LINC00632: variants seen among roughly 807,000 people sequenced by gnomAD.
LINC00632 encodes ALDOA related specific transcript.
chrX:140,727,517 T>C (rs1930983220), intron 2 of LINC00632, among the ~76,000 whole-genome samples: 1 of 111,426 alleles, frequency 9.0e-6, no homozygotes, highest in Admixed American at 9.5e-5. Flanking sequence ...GGTCTGGAAC[T>C]CCTGACCTCA....
chrX:140,730,444 TACCTC>T (rs1454263962), intron 2 of LINC00632, among the ~76,000 whole-genome samples: 1 of 110,696 alleles, frequency 9.0e-6, no homozygotes, highest in Non-Finnish European at 1.9e-5. Flanking sequence ...CACTGAGACT[TACCTC>T]ACCTCACCAG....
exon 4 of LINC00632, chrX:140,772,701 G>A: frequency 6.9e-6 from 1 of 144,199 alleles, no homozygotes; most frequent in Non-Finnish European, 1.3e-5. Context: ...GTGAATCGGG[G>A]GCACACAAGA....
At chrX:140,756,101 A>G (rs1264877289) in intron 3 of LINC00632, among the ~76,000 whole-genome samples, 5 of 111,513 alleles carry the variant, frequency 4.5e-5, no homozygotes, top group Non-Finnish European at 7.5e-5. Flanking sequence ...ACTTTTTTAG[A>G]ACAGCTGTAA....
chrX:140,740,551 T>A (rs1351629488), intron 3 of LINC00632, among the ~76,000 whole-genome samples: 1 of 110,946 alleles, frequency 9.0e-6, no homozygotes, highest in East Asian at 2.8e-4. Flanking sequence ...GAATGTTTTT[T>A]TTTTGCAACG....
At chrX:140,744,567 T>TTGGGGG (rs1556024293) in intron 3 of LINC00632, among the ~76,000 whole-genome samples, 2 of 18,219 alleles carry the variant, frequency 1.1e-4, no homozygotes, top group African/African-American at 3.8e-4. Flanking sequence ...AGCTTTTTTT[T>TTGGGGG]GGGGGGGGGG....
At chrX:140,778,398 A>T (rs1405188935) in exon 5 of LINC00632, among the ~76,000 whole-genome samples, 1 of 111,655 alleles carries the variant, frequency 9.0e-6, no homozygotes, top group Admixed American at 9.5e-5. Context: ...CGAGGTCAAG[A>T]GATCGAGACC....
intron 3 of LINC00632, among the ~76,000 whole-genome samples, chrX:140,764,066 A>AT (rs1361728392): frequency 4.5e-5 from 5 of 110,548 alleles, no homozygotes; most frequent in African/African-American, 6.6e-5. Context: ...CACAGGCAGC[A>AT]ATTCGTAGGG....
At chrX:140,788,853 T>G (rs965990667) in exon 5 of LINC00632, among the ~76,000 whole-genome samples, 6 of 105,295 alleles carry the variant, frequency 5.7e-5, no homozygotes, top group South Asian at 4.1e-4. Context: ...ATATGTATAT[T>G]CCATATATGC....
intron 2 of LINC00632, among the ~76,000 whole-genome samples, chrX:140,727,960 GC>G (rs898996925): frequency 5.4e-5 from 6 of 111,635 alleles, no homozygotes; most frequent in Non-Finnish European, 9.4e-5. Flanking sequence ...TGTCTTACAG[GC>G]CGGGCGTGGT....
intron 2 of LINC00632, among the ~76,000 whole-genome samples, chrX:140,725,177 C>G (rs1387104687): frequency 4.2e-5 from 4 of 95,573 alleles, no homozygotes; most frequent in Non-Finnish European, 8.6e-5. Flanking sequence ...TACACATACA[C>G]AGACACACAT....
intron 3 of LINC00632, among the ~76,000 whole-genome samples, chrX:140,770,598 T>C (rs968124912): frequency 4.5e-5 from 5 of 112,059 alleles, no homozygotes; most frequent in Admixed American, 3.8e-4. Context: ...TAACATTGTA[T>C]ATCTATTTGC....
At chrX:140,774,868 A>G (rs1244819107) in exon 5 of LINC00632, among the ~76,000 whole-genome samples, 1 of 111,651 alleles carries the variant, frequency 9.0e-6, no homozygotes, top group Admixed American at 9.5e-5. Context: ...GAACTCAACT[A>G]TAGCATTTAA....
At chrX:140,781,510 A>G (rs754110951) in exon 5 of LINC00632, among the ~76,000 whole-genome samples, 1 of 111,485 alleles carries the variant, frequency 9.0e-6, no homozygotes, top group East Asian at 2.8e-4. Context: ...GCAATTGTCC[A>G]AACAATTGCC....
intron 2 of LINC00632, among the ~76,000 whole-genome samples, chrX:140,719,642 T>C (rs1190681430): frequency 9.1e-6 from 1 of 109,740 alleles, no homozygotes; most frequent in Non-Finnish European, 1.9e-5. Flanking sequence ...AAATAGCTTC[T>C]TCCTGCCACG....
chrX:140,747,423 G>A (rs895370697), intron 3 of LINC00632, among the ~76,000 whole-genome samples: 1 of 108,805 alleles, frequency 9.2e-6, no homozygotes, highest in Non-Finnish European at 1.9e-5. Flanking sequence ...CCGGCTACTC[G>A]GGAGATTGAG....
chrX:140,715,302 C>T lies in LINC00632; in HGVS notation n.104+3646C>T, dbSNP rs187282962. Among the ~76,000 whole-genome samples, 585 of 111,571 alleles carry T rather than the reference C, an allele frequency of 5.2e-3. 2 individuals are homozygous for T. Among genetic ancestry groups the T allele is most frequent in the African/African-American group, 0.018 (547 of 30,723 alleles). ...ATTTGCCATACAGATTTACTTCACA[C>T]ACAAAAAACACAGCCAGGTGGGTGG... On this transcript the variant is annotated intron_variant and non_coding_transcript_variant, in intron 2 of 4. Transcript: ENST00000648200.
At chrX:140,713,621 GC>G (rs1195455170) in intron 2 of LINC00632, 1 of 342,468 alleles carries the variant, frequency 2.9e-6, no homozygotes, top group East Asian at 9.7e-5. Flanking sequence ...TACCCCCACA[GC>G]ACCTAGACTC....
intron 3 of LINC00632, among the ~76,000 whole-genome samples, chrX:140,753,768 C>CTTTTTTTTTTTTTTTTTTTTT (rs752596283): frequency 3.6e-4 from 18 of 49,731 alleles, no homozygotes; most frequent in Non-Finnish European, 4.2e-4. Context: ...TTCTTTCTTT[C>CTTTTTTTTTTTTTTTTTTTTT]TTTTTTTTTT....
exon 5 of LINC00632, chrX:140,783,862 G>A (rs1392001905): frequency 4.1e-6 from 5 of 1,208,153 alleles, no homozygotes; most frequent in South Asian, 3.5e-5. Context: ...GAAAATCCAC[G>A]TCTTCCCAAC....
Sources: gnomAD v4.1 joint callset for allele counts (sites outside exome capture counted in the v4.1 genomes callset) on GRCh38, gnomAD v4.1.1 for gene constraint, MANE v1.5 for transcripts, NCBI Gene and HGNC (gene_info 2026-07-23, HGNC 2026-07-21) for gene names.